The following CHD9 variants were observed in gnomAD, a reference collection of about 807,000 sequenced individuals.
CHD9 encodes ATP-dependent chromatin remodeler CHD9.
Under a neutral mutation model 316.1 loss-of-function variants are expected in CHD9, and 77 were observed. That is an observed-to-expected ratio of 0.24 (90% confidence interval 0.20 to 0.29). CHD9 has a LOEUF of 0.29. Ranked by LOEUF, CHD9 falls within the 10% of genes least tolerant of loss-of-function variation. The pLI is 1.00. For missense variants in CHD9, 2,763 were observed against 3,438.1 expected (o/e 0.80, Z 4.91); for synonymous variants, 1,129 against 1,158.3 (o/e 0.97, Z 0.51).
chr16:53,178,185 C>T (rs2043215014), intron 2 of CHD9, among the ~76,000 whole-genome samples: 1 of 152,076 alleles, frequency 6.6e-6, no homozygotes, highest in Admixed American at 6.6e-5. Context: ...GGCAAAAGAA[C>T]CAGACCCTCT....
rs150928357 is a variant in CHD9, at chr16:53,238,195, A to G, written c.2634-148A>G. ...TTTGCAGGTTTATAATAAAATTGTAATCTTAAGCCTACCCTGCACTTAAGC... is the reference window on the plus strand; with the variant it reads ...TTTGCAGGTTTATAATAAAATTGTAGTCTTAAGCCTACCCTGCACTTAAGC... On this transcript the variant is annotated intron_variant, in intron 11 of 38. Transcript: ENST00000447540. 901 of 654,394 alleles carry G rather than the reference A, an allele frequency of 1.4e-3. 6 individuals are homozygous for G. In the African/African-American group the frequency reaches 0.015, roughly 11 times the overall value. The allele number at this position is 654,394 out of a possible 1,614,324, so 40.5% of individuals were successfully genotyped here. A position where few individuals can be genotyped will look rare whatever the true frequency, so the allele number is the denominator to read the frequency against.
intron 2 of CHD9, chr16:53,208,169 A>T (rs1341783655): frequency 9.2e-7 from 1 of 1,085,360 alleles, no homozygotes; most frequent in African/African-American, 1.7e-5. Context: ...TGTGTTGATA[A>T]ATCAAAATGT....
chr16:53,122,605 C>T (rs1387577093), intron 1 of CHD9, among the ~76,000 whole-genome samples: 1 of 145,918 alleles, frequency 6.9e-6, no homozygotes, highest in African/African-American at 2.6e-5. Flanking sequence ...AGTACAGTGG[C>T]ACAATCTTGT....
At chr16:53,170,579 G>GTT (rs1491476963) in intron 2 of CHD9, among the ~76,000 whole-genome samples, 1 of 4,326 alleles carries the variant, frequency 2.3e-4, no homozygotes, top group Non-Finnish European at 5.2e-4. Context: ...TTGTAATTTC[G>GTT]TGTGTGTGTG....
intron 1 of CHD9, 25 bp from the exon 2 acceptor site, chr16:53,155,901 A>C: frequency 1.7e-6 from 1 of 573,182 alleles, no homozygotes; most frequent in Non-Finnish European, 3.0e-6. Context: ...ATTTCTCTTT[A>C]TTGTTTTTGT....
chr16:53,300,848 G>A (rs191284498), intron 30 of CHD9, among the ~76,000 whole-genome samples: 3 of 152,308 alleles, frequency 2.0e-5, no homozygotes, highest in Non-Finnish European at 2.9e-5. Context: ...GCTCACGCCT[G>A]TAATCCCCAC....
chr16:53,160,406 A>C (rs1447947199), intron 2 of CHD9, among the ~76,000 whole-genome samples: 5 of 152,196 alleles, frequency 3.3e-5, no homozygotes, highest in Non-Finnish European at 7.3e-5. Flanking sequence ...CTCTAATGCT[A>C]GCATGTAGAT....
At chr16:53,091,242 A>G (rs902255057) in intron 1 of CHD9, among the ~76,000 whole-genome samples, 1 of 152,234 alleles carries the variant, frequency 6.6e-6, no homozygotes, top group African/African-American at 2.4e-5. Flanking sequence ...GGCTGACAGC[A>G]TAGAACTGAG....
intron 2 of CHD9, among the ~76,000 whole-genome samples, chr16:53,200,903 C>CA (rs1414179146): frequency 1.3e-5 from 2 of 152,184 alleles, no homozygotes; most frequent in African/African-American, 4.8e-5. Flanking sequence ...ACAGCAATAA[C>CA]AATAACCATA....
intron 2 of CHD9, among the ~76,000 whole-genome samples, chr16:53,203,946 C>T (rs910117317): frequency 2.1e-5 from 3 of 146,000 alleles, no homozygotes; most frequent in Non-Finnish European, 4.5e-5. Context: ...ATGGCGTGAA[C>T]CTGGGAGGCG....
chr16:53,074,981 A>G (rs1033889494), intron 1 of CHD9, among the ~76,000 whole-genome samples: 1 of 152,144 alleles, frequency 6.6e-6, no homozygotes, highest in African/African-American at 2.4e-5. Context: ...CACAGACAAC[A>G]CCAGCCTGTA....
At chr16:53,175,305 A>C (rs989089523) in intron 2 of CHD9, among the ~76,000 whole-genome samples, 3 of 151,758 alleles carry the variant, frequency 2.0e-5, no homozygotes, top group Admixed American at 6.6e-5. Flanking sequence ...TCTATCTCCA[A>C]CTCAGGGAGC....
chr16:53,304,549 C>T lies in CHD9; in HGVS notation c.6543C>T (p.Ser2181=), dbSNP rs1473775182. The T allele has an allele frequency of 3.2e-6, 5 of 1,544,842 alleles. No individual in the cohort carries two copies. The highest frequency in any genetic ancestry group is 4.4e-6 in the Non-Finnish European group (5 of 1,140,576). ...CSSASSSSSS[S]TSSSSSSSSS... Reference sequence around the variant, plus strand: ...CAGCATCTTCTTCATCCTCTTCCTCCACCTCTTCCTCCTCCTCCTCCTCTT... The same window carrying T: ...CAGCATCTTCTTCATCCTCTTCCTCTACCTCTTCCTCCTCCTCCTCCTCTT... The change falls in exon 31 of 39, where the codon TCC becomes TCT. Residue 2181 remains serine (S), a synonymous_variant. Transcript: ENST00000447540.
At chr16:53,109,610 C>T (rs1419419507) in intron 1 of CHD9, among the ~76,000 whole-genome samples, 3 of 150,014 alleles carry the variant, frequency 2.0e-5, no homozygotes, top group East Asian at 2.0e-4. Context: ...GCTGGGATTA[C>T]GGGTGTGAGC....
intron 31 of CHD9, 133 bp downstream of exon 31, chr16:53,304,758 A>C (rs2055793212): frequency 1.4e-6 from 1 of 729,440 alleles, no homozygotes; most frequent in Non-Finnish European, 2.1e-6. Context: ...GCAATGGCGC[A>C]ATCTCAGCTC....
At chr16:53,177,030 A>C (rs1597300016) in intron 2 of CHD9, among the ~76,000 whole-genome samples, 1 of 152,306 alleles carries the variant, frequency 6.6e-6, no homozygotes, top group Admixed American at 6.5e-5. Flanking sequence ...ATCTCGGCTC[A>C]ATGCAGCCTC....
chr16:53,092,575 C>T (rs2152557105), intron 1 of CHD9, among the ~76,000 whole-genome samples: 1 of 152,210 alleles, frequency 6.6e-6, no homozygotes, highest in South Asian at 2.1e-4. Context: ...AAACAGTCAA[C>T]ATTCATCTTA....
At chr16:53,172,944 G>T (rs778230046) in intron 2 of CHD9, among the ~76,000 whole-genome samples, 2 of 152,022 alleles carry the variant, frequency 1.3e-5, no homozygotes, top group Non-Finnish European at 2.9e-5. Context: ...CCAGTCTGTG[G>T]GTTGCCTTTT....
chr16:53,266,213 ATAT>A (rs1351963064), intron 20 of CHD9, among the ~76,000 whole-genome samples: 1 of 152,170 alleles, frequency 6.6e-6, no homozygotes, highest in Non-Finnish European at 1.5e-5. Context: ...TCCAAAATAC[ATAT>A]TAATTCCAAA....
Sources: allele counts gnomAD v4.1 joint callset (sites outside exome capture counted in the v4.1 genomes callset), GRCh38; gene constraint gnomAD v4.1.1; transcripts MANE v1.5; gene names NCBI Gene and HGNC (gene_info 2026-07-23, HGNC 2026-07-21).